C9: variants seen among roughly 807,000 people sequenced by gnomAD.
The protein encoded by C9 is complement C9, also known as complement component C9.
A neutral mutation model predicts 65.4 loss-of-function variants in C9; 63 were observed. The observed-to-expected ratio is 0.96, with a 90% CI of 0.79 to 1.19. The LOEUF is 1.19. Ranked by LOEUF, C9 falls within the 50% of genes most tolerant of loss-of-function variation. The pLI, the probability that C9 is intolerant of heterozygous loss-of-function variation, is 0.00. For missense variants in C9, 744 were observed against 670.1 expected, an observed-to-expected ratio of 1.11 and a Z score of -1.22; for synonymous variants, 229 against 227.9, an observed-to-expected ratio of 1.00 and a Z score of -0.04.
chr5:39,302,593 G>A (rs1047024039), intron 9 of C9, among the ~76,000 whole-genome samples: 5 of 151,998 alleles, frequency 3.3e-5, no homozygotes, highest in Non-Finnish European at 5.9e-5. Flanking sequence ...CAAAAATGAC[G>A]GGTTAATTAA....
intron 9 of C9, among the ~76,000 whole-genome samples, chr5:39,301,291 G>T (rs1281901558): frequency 6.6e-6 from 1 of 152,002 alleles, no homozygotes; most frequent in East Asian, 1.9e-4. Flanking sequence ...AAGTGTCAAG[G>T]TTGAGAAAGA....
At chr5:39,300,947 T>C (rs1753266351) in intron 9 of C9, among the ~76,000 whole-genome samples, 1 of 152,124 alleles carries the variant, frequency 6.6e-6, no homozygotes, top group Admixed American at 6.5e-5. Context: ...TTTCGTGTAT[T>C]CCTTATTTTA....
intron 1 of C9, among the ~76,000 whole-genome samples, chr5:39,355,861 T>G (rs561368409): frequency 6.6e-6 from 1 of 152,362 alleles, no homozygotes; most frequent in Non-Finnish European, 1.5e-5. Context: ...CCCTGGTGTC[T>G]GTGTTCAAAT....
At chr5:39,302,453 G>A (rs1364669421) in intron 9 of C9, among the ~76,000 whole-genome samples, 1 of 152,062 alleles carries the variant, frequency 6.6e-6, no homozygotes, top group Non-Finnish European at 1.5e-5. Flanking sequence ...GTAGTTTGTT[G>A]ATAGAATGAG....
chr5:39,353,168 T>C lies in C9; in HGVS notation c.78-10972A>G, dbSNP rs1754353625. ...AAGAAGCACAGGCAGCTGTAGAATCTGGGAATAGCAAGGACATGATTTTTC... is the reference window on the plus strand; with the variant it reads ...AAGAAGCACAGGCAGCTGTAGAATCCGGGAATAGCAAGGACATGATTTTTC... On this transcript the variant is annotated intron_variant, in intron 1 of 10. Coordinates refer to ENST00000263408, the MANE Select transcript of C9 (RefSeq NM_001737.5). 2.0e-5 allele frequency among the ~76,000 whole-genome samples: 3 copies of C among 152,220 alleles called. No homozygotes were observed. The South Asian group carries it at 6.2e-4, about 32-fold the overall frequency.
chr5:39,360,806 C>T (rs991143286), intron 1 of C9, among the ~76,000 whole-genome samples: 2 of 151,804 alleles, frequency 1.3e-5, no homozygotes, highest in African/African-American at 2.4e-5. Context: ...TGGTTCCTGT[C>T]GCAAGGCTGT....
intron 5 of C9, among the ~76,000 whole-genome samples, chr5:39,325,994 C>T (rs1300230762): frequency 6.6e-6 from 1 of 152,150 alleles, no homozygotes; most frequent in African/African-American, 2.4e-5. Flanking sequence ...CCTGCACATC[C>T]AACTTCCCAC....
At chr5:39,347,738 C>T (rs1754235342) in intron 1 of C9, among the ~76,000 whole-genome samples, 1 of 152,100 alleles carries the variant, frequency 6.6e-6, no homozygotes, top group Non-Finnish European at 1.5e-5. Context: ...AAGAACAAAG[C>T]TGGAGACATC....
chr5:39,316,019 TCGC>T lies in C9; in HGVS notation c.623_625del (p.Gly208del), dbSNP rs1753564365. On this transcript the variant is annotated inframe_deletion, in exon 6 of 11. Coordinates refer to ENST00000263408, the MANE Select transcript of C9 (RefSeq NM_001737.5). ...GTAATGTTCGGTTCTGAAATTTTTC[TCGC>T]CTTTGGTCTAAAAGAGAATAAAAAA... 5 of 1,611,742 alleles carry T rather than the reference TCGC, an allele frequency of 3.1e-6. No homozygotes were observed. The highest frequency in any genetic ancestry group is 3.4e-6 in the Non-Finnish European group (4 of 1,178,614).
chr5:39,332,190 G>C (rs1427749184), intron 4 of C9, among the ~76,000 whole-genome samples: 3 of 152,122 alleles, frequency 2.0e-5, no homozygotes, highest in Non-Finnish European at 4.4e-5. Flanking sequence ...TAAATTATTT[G>C]AGAACAGAGC....
chr5:39,313,896 G>T (rs1199198151), intron 6 of C9, among the ~76,000 whole-genome samples: 1 of 151,930 alleles, frequency 6.6e-6, no homozygotes, highest in East Asian at 1.9e-4. Context: ...TTAATTACTG[G>T]TCTCCCTCTC....
intron 6 of C9, among the ~76,000 whole-genome samples, chr5:39,314,381 G>A (rs1178349156): frequency 1.3e-5 from 2 of 151,908 alleles, no homozygotes; most frequent in African/African-American, 2.4e-5. Flanking sequence ...CCTGGGAGGC[G>A]GAAGTTGTGG....
intron 5 of C9, among the ~76,000 whole-genome samples, chr5:39,330,981 T>C (rs897471908): frequency 3.3e-5 from 5 of 152,220 alleles, no homozygotes; most frequent in Non-Finnish European, 7.3e-5. Context: ...TCTTTACCAA[T>C]GGGACCACTT....
At chr5:39,344,685 C>T (rs1464541213) in intron 1 of C9, among the ~76,000 whole-genome samples, 1 of 152,150 alleles carries the variant, frequency 6.6e-6, no homozygotes, top group East Asian at 1.9e-4. Flanking sequence ...CACAAAGATA[C>T]TCCTCGAGAA....
intron 1 of C9, among the ~76,000 whole-genome samples, chr5:39,356,917 A>T (rs1273405571): frequency 5.3e-5 from 8 of 152,210 alleles, no homozygotes; most frequent in African/African-American, 1.9e-4. Context: ...AAGTATTTGT[A>T]AAGCACTTTC....
At chr5:39,341,357 T>A in intron 3 of C9, 64 bp from the exon 4 acceptor site, 2 of 1,582,360 alleles carry the variant, frequency 1.3e-6, no homozygotes, top group Non-Finnish European at 1.7e-6. Context: ...CTTTCTGAAG[T>A]TATCAAATGC....
At chr5:39,337,661 T>G (rs561272452) in intron 4 of C9, among the ~76,000 whole-genome samples, 8 of 152,374 alleles carry the variant, frequency 5.3e-5, no homozygotes, top group African/African-American at 1.9e-4. Context: ...CAAAAAATAA[T>G]TCCTTGCATA....
At chr5:39,322,811 A>T (rs10076868) in intron 5 of C9, among the ~76,000 whole-genome samples, 4,476 of 152,210 alleles carry the variant, frequency 0.029, 198 homozygotes, top group African/African-American at 0.099. Flanking sequence ...TAACAACTAT[A>T]TAAATAGCAC....
At chr5:39,335,850 T>C (rs532153336) in intron 4 of C9, among the ~76,000 whole-genome samples, 1 of 152,032 alleles carries the variant, frequency 6.6e-6, no homozygotes, top group African/African-American at 2.4e-5. Flanking sequence ...GTGGGTAAAT[T>C]GGGATGGGGC....
Sources: allele counts gnomAD v4.1 joint callset (sites outside exome capture counted in the v4.1 genomes callset), GRCh38; gene constraint gnomAD v4.1.1; transcripts MANE v1.5; gene names NCBI Gene and HGNC (gene_info 2026-07-23, HGNC 2026-07-21).